Variants in NRXN1 observed in about 807,000 individuals in gnomAD.
NRXN1 encodes neurexin-1.
A neutral mutation model predicts 150.9 loss-of-function variants in NRXN1; 39 were observed. The observed-to-expected ratio is 0.26, with a 90% CI of 0.20 to 0.34. The LOEUF (loss-of-function observed/expected upper bound fraction) is 0.34. Among genes scored for constraint, NRXN1 ranks in the 10% least tolerant of loss-of-function variants. The pLI is 1.00. For synonymous variants in NRXN1, 924 were observed against 757.0 expected, an observed-to-expected ratio of 1.22 and a Z score of -3.62; for missense variants, 1,815 against 1,949.9, an observed-to-expected ratio of 0.93 and a Z score of 1.30.
chr2:50,527,386 T>C (rs1031342703), intron 12 of NRXN1, among the ~76,000 whole-genome samples: 6 of 152,146 alleles, frequency 3.9e-5, no homozygotes, highest in Non-Finnish European at 2.9e-5. Context: ...AGATTACATA[T>C]ATTTGAAAAA....
chr2:50,057,033 G>T (rs1693758694), intron 19 of NRXN1, among the ~76,000 whole-genome samples: 1 of 152,064 alleles, frequency 6.6e-6, no homozygotes, highest in Admixed American at 6.6e-5. Flanking sequence ...ACAGTCTATT[G>T]ACAGACCTCT....
At chr2:49,991,992 T>G (rs1192241232) in intron 21 of NRXN1, among the ~76,000 whole-genome samples, 2 of 152,218 alleles carry the variant, frequency 1.3e-5, no homozygotes, top group Admixed American at 1.3e-4. Flanking sequence ...AAAGCAAAGA[T>G]AGTCTTTTCA....
intron 5 of NRXN1, among the ~76,000 whole-genome samples, chr2:50,660,156 G>A (rs1687084066): frequency 6.6e-6 from 1 of 152,016 alleles, no homozygotes; most frequent in African/African-American, 2.4e-5. Context: ...AGTAAGCAAT[G>A]TCACATAATC....
intron 5 of NRXN1, among the ~76,000 whole-genome samples, chr2:50,741,607 G>A (rs945109246): frequency 1.3e-5 from 2 of 152,102 alleles, no homozygotes; most frequent in Admixed American, 6.5e-5. Flanking sequence ...AATACTGAGA[G>A]AAATATGTGA....
chr2:50,851,697 G>A (rs975621787), intron 5 of NRXN1, among the ~76,000 whole-genome samples: 1 of 151,854 alleles, frequency 6.6e-6, no homozygotes, highest in East Asian at 1.9e-4. Context: ...AAATCTAAAT[G>A]CAACACACAT....
intron 18 of NRXN1, among the ~76,000 whole-genome samples, chr2:50,229,900 A>T (rs1208950842): frequency 3.9e-5 from 6 of 152,108 alleles, no homozygotes; most frequent in Non-Finnish European, 7.4e-5. Context: ...CCTTGTTTTG[A>T]CAGCTTGGCA....
At chr2:50,213,955 G>A (rs991264187) in intron 18 of NRXN1, among the ~76,000 whole-genome samples, 2 of 151,800 alleles carry the variant, frequency 1.3e-5, no homozygotes, top group African/African-American at 4.8e-5. Flanking sequence ...GTTTTACTTG[G>A]CAACTTCGTA....
intron 5 of NRXN1, among the ~76,000 whole-genome samples, chr2:50,851,008 C>T (rs1439760543): frequency 6.6e-6 from 1 of 152,146 alleles, no homozygotes; most frequent in Non-Finnish European, 1.5e-5. Flanking sequence ...ATCACTTTTA[C>T]TCATCATCTT....
At chr2:50,793,217 T>C (rs1706307126) in intron 5 of NRXN1, among the ~76,000 whole-genome samples, 1 of 152,114 alleles carries the variant, frequency 6.6e-6, no homozygotes, top group South Asian at 2.1e-4. Context: ...TTAAGAGTAA[T>C]GTTAGATGAA....
At chr2:50,591,920 G>A (rs1310395813) in intron 8 of NRXN1, among the ~76,000 whole-genome samples, 1 of 152,182 alleles carries the variant, frequency 6.6e-6, no homozygotes, top group Non-Finnish European at 1.5e-5. Context: ...AACCTTTTGT[G>A]TGGATCTCAA....
chr2:50,066,058 T>C (rs1695310919), intron 19 of NRXN1, among the ~76,000 whole-genome samples: 1 of 152,188 alleles, frequency 6.6e-6, no homozygotes, highest in Admixed American at 6.5e-5. Context: ...TATTTACAAC[T>C]GCGGTTCCTA....
At position 51,028,578 on chromosome 2, in the gene NRXN1, C is replaced by T. The variant is rs201044501; in HGVS notation, c.-305G>A. 2.1e-5 allele frequency: 7 copies of T among 326,146 alleles called. No homozygotes were observed. Among genetic ancestry groups the T allele is most frequent in the Non-Finnish European group, 3.3e-5 (6 of 179,950 alleles). 20.2% of individuals were successfully genotyped at this position (326,146 alleles called of 1,614,324 possible). A position where few individuals can be genotyped will look rare whatever the true frequency, so the allele number is the denominator to read the frequency against. On this transcript the variant is annotated 5_prime_UTR_variant, in exon 2 of 23. Coordinates refer to ENST00000401669, the MANE Select transcript of NRXN1 (RefSeq NM_001330078.2). ...GACAACGTTCTGGAAAAGGCTTCAA[C>T]AAAAGATCAAGGGAAAGCACTGACC... is the stretch of plus-strand genomic sequence containing the variant.
chr2:50,214,053 T>A (rs890423193), intron 18 of NRXN1, among the ~76,000 whole-genome samples: 1 of 152,048 alleles, frequency 6.6e-6, no homozygotes, highest in Non-Finnish European at 1.5e-5. Context: ...TACTTAAATG[T>A]GTCCCTCAGT....
At chr2:50,895,422 C>T (rs1681772747) in intron 5 of NRXN1, among the ~76,000 whole-genome samples, 1 of 152,096 alleles carries the variant, frequency 6.6e-6, no homozygotes, top group Non-Finnish European at 1.5e-5. Context: ...TGCTTTACCA[C>T]TTGAGCCTGT....
chr2:50,095,587 A>T (rs1162229952), intron 18 of NRXN1, among the ~76,000 whole-genome samples: 1 of 152,150 alleles, frequency 6.6e-6, no homozygotes, highest in Non-Finnish European at 1.5e-5. Flanking sequence ...AAAATGCACT[A>T]AACTCTGAAA....
chr2:50,755,642 T>A (rs1701080015), intron 5 of NRXN1, among the ~76,000 whole-genome samples: 1 of 151,838 alleles, frequency 6.6e-6, no homozygotes, highest in Non-Finnish European at 1.5e-5. Context: ...ATCAAGCCAT[T>A]CTTGATTCCT....
intron 17 of NRXN1, among the ~76,000 whole-genome samples, chr2:50,433,776 A>T (rs1285593350): frequency 2.0e-5 from 3 of 151,838 alleles, no homozygotes; most frequent in African/African-American, 7.3e-5. Context: ...GAGAGGGGAA[A>T]GGAAAGAAAG....
chr2:50,121,701 A>G (rs563557966), intron 18 of NRXN1, among the ~76,000 whole-genome samples: 8 of 152,304 alleles, frequency 5.3e-5, no homozygotes, highest in African/African-American at 1.9e-4. Context: ...GATATAGACT[A>G]TGACTCTTTT....
At chr2:50,300,857 G>A (rs777753868) in intron 17 of NRXN1, among the ~76,000 whole-genome samples, 21 of 152,034 alleles carry the variant, frequency 1.4e-4, no homozygotes, top group Non-Finnish European at 2.5e-4. Context: ...CACCACGCCT[G>A]GCTAATTTTT....
Sources: gnomAD v4.1 joint callset for allele counts (sites outside exome capture counted in the v4.1 genomes callset) on GRCh38, gnomAD v4.1.1 for gene constraint, MANE v1.5 for transcripts, NCBI Gene and HGNC (gene_info 2026-07-23, HGNC 2026-07-21) for gene names.